Variants in SOX5 observed in about 807,000 individuals in gnomAD.
The protein encoded by SOX5 is SRY-box transcription factor 5.
Under a neutral mutation model 92.0 loss-of-function variants are expected in SOX5, and 9 were observed. The ratio of observed to expected loss-of-function variants is 0.10; its 90% CI spans 0.06 to 0.17. The LOEUF (loss-of-function observed/expected upper bound fraction) is 0.17, where lower values mean the gene tolerates loss of function less well. Among genes scored for constraint, SOX5 ranks in the 10% least tolerant of loss-of-function variants. The pLI is 1.00. For missense variants in SOX5, 642 were observed against 944.5 expected (o/e 0.68, Z 4.20); for synonymous variants, 344 against 336.3 (o/e 1.02, Z -0.25).
intron 7 of SOX5, among the ~76,000 whole-genome samples, chr12:23,659,197 A>G (rs768998458): frequency 6.6e-6 from 1 of 152,162 alleles, no homozygotes; most frequent in Non-Finnish European, 1.5e-5. Context: ...AAGAGATATA[A>G]TGGAACCCAC....
intron 1 of SOX5, among the ~76,000 whole-genome samples, chr12:24,538,526 T>TGC (rs1171503781): frequency 6.6e-6 from 1 of 151,370 alleles, no homozygotes; most frequent in Non-Finnish European, 1.5e-5. Context: ...GTCCCAGGGT[T>TGC]TCAAGCAACA....
At chr12:24,500,461 G>A (rs559741199) in intron 1 of SOX5, among the ~76,000 whole-genome samples, 1 of 152,158 alleles carries the variant, frequency 6.6e-6, no homozygotes, top group Admixed American at 6.5e-5. Context: ...TAAACACTAG[G>A]AAGTTTAAAA....
intron 1 of SOX5, among the ~76,000 whole-genome samples, chr12:24,558,365 C>G (rs1213970847): frequency 6.6e-6 from 1 of 152,018 alleles, no homozygotes; most frequent in Non-Finnish European, 1.5e-5. Context: ...AGGAAACAAC[C>G]CCCCGCGAAA....
intron 1 of SOX5, among the ~76,000 whole-genome samples, chr12:23,907,859 C>T (rs1196213561): frequency 6.6e-6 from 1 of 152,096 alleles, no homozygotes; most frequent in East Asian, 1.9e-4. Flanking sequence ...ATTTTGACCC[C>T]TTTGGGACTT....
intron 4 of SOX5, among the ~76,000 whole-genome samples, chr12:24,119,916 T>A (rs1948442985): frequency 6.6e-6 from 1 of 152,212 alleles, no homozygotes; most frequent in East Asian, 1.9e-4. Context: ...AAATGGGAAG[T>A]TATACAGTAT....
At chr12:23,758,429 A>G (rs547409590) in intron 3 of SOX5, among the ~76,000 whole-genome samples, 63 of 151,760 alleles carry the variant, frequency 4.2e-4, no homozygotes, top group African/African-American at 1.4e-3. Context: ...TCTCTTATCA[A>G]CAACAAAATG....
chr12:23,991,995 C>T (rs1950601729), intron 4 of SOX5, among the ~76,000 whole-genome samples: 1 of 152,002 alleles, frequency 6.6e-6, no homozygotes. Context: ...CCAAAAATTG[C>T]ATTTTCTGTA....
intron 1 of SOX5, among the ~76,000 whole-genome samples, chr12:24,483,603 C>G (rs1356087035): frequency 1.3e-5 from 2 of 152,194 alleles, no homozygotes; most frequent in Non-Finnish European, 2.9e-5. Context: ...CTCTCGGTCT[C>G]TTAACAAAGT....
At chr12:24,530,609 C>T (rs1951107566) in intron 1 of SOX5, among the ~76,000 whole-genome samples, 1 of 151,582 alleles carries the variant, frequency 6.6e-6, no homozygotes, top group African/African-American at 2.4e-5. Flanking sequence ...GCCAAGATTG[C>T]ACCACTGCAC....
At chr12:24,398,088 G>A (rs553359133) in intron 1 of SOX5, among the ~76,000 whole-genome samples, 18 of 152,148 alleles carry the variant, frequency 1.2e-4, no homozygotes, top group African/African-American at 4.3e-4. Flanking sequence ...CTGACCTCAC[G>A]ATCCGCCCAC....
At chr12:23,829,873 GT>G (rs2096287010) in intron 3 of SOX5, among the ~76,000 whole-genome samples, 1 of 152,126 alleles carries the variant, frequency 6.6e-6, no homozygotes, top group Admixed American at 6.6e-5. Context: ...GTTAGCAAAA[GT>G]ACAAGCTCTA....
At chr12:24,408,045 G>C (rs1196722484) in intron 1 of SOX5, among the ~76,000 whole-genome samples, 1 of 152,168 alleles carries the variant, frequency 6.6e-6, no homozygotes, top group Admixed American at 6.5e-5. Flanking sequence ...TCTCGATGAA[G>C]TGAATGAGCA....
chr12:24,505,874 C>CGCGCGCGTGTGTGTGTGTGT lies in SOX5; in HGVS notation c.-251+56454_-251+56455insACACACACACACACGCGCGC, dbSNP rs368183832. On this transcript the variant is annotated intron_variant, in intron 1 of 4. Transcript: ENST00000446891. ...GTGTGCGTGTGTGTGTGTGTGTGTG[C>CGCGCGCGTGTGTGTGTGTGT]GCATCACTGCAGGAGATGAGTCTAG... 4.3e-4 allele frequency among the ~76,000 whole-genome samples: 63 copies of CGCGCGCGTGTGTGTGTGTGT among 148,120 alleles called. No homozygotes were observed. The East Asian group carries it at 5.5e-3, about 13-fold the overall frequency.
chr12:24,505,848 T>TGTGC (rs1459015212), intron 1 of SOX5, among the ~76,000 whole-genome samples: 1 of 141,088 alleles, frequency 7.1e-6, no homozygotes, highest in Admixed American at 7.3e-5. Flanking sequence ...TGTGTGTGTG[T>TGTGC]GTGTGCGTGT....
intron 4 of SOX5, among the ~76,000 whole-genome samples, chr12:24,142,926 T>C (rs10743492): frequency 0.89 from 134,877 of 151,102 alleles, 60,424 homozygotes; most frequent in African/African-American, 0.97. Context: ...AGCAGGATAC[T>C]GGTCAGCACG....
chr12:23,692,258 C>T (rs2088965937), intron 6 of SOX5, among the ~76,000 whole-genome samples: 1 of 151,668 alleles, frequency 6.6e-6, no homozygotes, highest in Non-Finnish European at 1.5e-5. Flanking sequence ...CATAGTGAGA[C>T]TCCATCTCTA....
At chr12:23,876,689 G>A (rs1029621845) in intron 2 of SOX5, among the ~76,000 whole-genome samples, 2 of 152,118 alleles carry the variant, frequency 1.3e-5, no homozygotes, top group Non-Finnish European at 2.9e-5. Context: ...AAAGACACAT[G>A]CACACTTATG....
At chr12:24,296,835 AG>A (rs1947311516) in intron 2 of SOX5, among the ~76,000 whole-genome samples, 2 of 148,274 alleles carry the variant, frequency 1.3e-5, no homozygotes, top group Middle Eastern at 3.5e-3. Flanking sequence ...AAAAAAAAAA[AG>A]TAGTTTGAAA....
At chr12:23,651,837 G>A (rs2081604645) in intron 7 of SOX5, among the ~76,000 whole-genome samples, 1 of 151,640 alleles carries the variant, frequency 6.6e-6, no homozygotes, top group South Asian at 2.1e-4. Flanking sequence ...AAAGAAATGA[G>A]CAAGCAAAAT....
Sources: gnomAD v4.1 joint callset for allele counts (sites outside exome capture counted in the v4.1 genomes callset) on GRCh38, gnomAD v4.1.1 for gene constraint, MANE v1.5 for transcripts, NCBI Gene and HGNC (gene_info 2026-07-23, HGNC 2026-07-21) for gene names.